ADAM12: variants seen among roughly 807,000 people sequenced by gnomAD.
ADAM12 encodes the protein disintegrin and metalloproteinase domain-containing protein 12.
ADAM12 carries 70 observed loss-of-function variants against 106.4 expected under a neutral mutation model. The ratio of observed to expected loss-of-function variants is 0.66; its 90% CI spans 0.54 to 0.80. The LOEUF (loss-of-function observed/expected upper bound fraction) is 0.80, where lower values mean the gene tolerates loss of function less well. ADAM12 is among the 30% of genes least tolerant of loss of function. The probability of loss-of-function intolerance (pLI) is 0.00; values close to 1 mark genes in which losing one functional copy is unlikely to be tolerated. For synonymous variants in ADAM12, 420 were observed against 433.5 expected (o/e 0.97, Z 0.39); for missense variants, 1,010 against 1,171.9 (o/e 0.86, Z 2.02).
intron 2 of ADAM12, among the ~76,000 whole-genome samples, chr10:126,321,905 C>CGGGGGGGGG: frequency 1.1e-5 from 1 of 94,068 alleles, no homozygotes; most frequent in Non-Finnish European, 2.3e-5. Context: ...ACCTGGGGGT[C>CGGGGGGGGG]GGGGGGGGGG....
chr10:126,332,227 C>T (rs1266183389), intron 1 of ADAM12, among the ~76,000 whole-genome samples: 1 of 152,156 alleles, frequency 6.6e-6, no homozygotes, highest in Non-Finnish European at 1.5e-5. Context: ...ATTCAAAAAG[C>T]CCATTCTTTC....
chr10:126,225,553 C>T (rs1361293687), intron 3 of ADAM12, among the ~76,000 whole-genome samples: 3 of 152,058 alleles, frequency 2.0e-5, no homozygotes, highest in Non-Finnish European at 2.9e-5. Flanking sequence ...CATAACTGGG[C>T]GGAGGTGTGC....
At chr10:126,084,437 G>C (rs1274038593) in intron 11 of ADAM12, among the ~76,000 whole-genome samples, 1 of 152,156 alleles carries the variant, frequency 6.6e-6, no homozygotes, top group Non-Finnish European at 1.5e-5. Context: ...GTTGTTGGAG[G>C]AGCAGACTCT....
intron 1 of ADAM12, among the ~76,000 whole-genome samples, chr10:126,361,975 A>G (rs1402348707): frequency 6.6e-6 from 1 of 152,198 alleles, no homozygotes; most frequent in Non-Finnish European, 1.5e-5. Flanking sequence ...AATGAAGAAA[A>G]AAATTAACAG....
At chr10:126,020,040 T>C (rs1338483044) in intron 21 of ADAM12, among the ~76,000 whole-genome samples, 1 of 152,182 alleles carries the variant, frequency 6.6e-6, no homozygotes, top group African/African-American at 2.4e-5. Flanking sequence ...CACTCAACTA[T>C]GGGGCTTCTG....
chr10:126,024,941 CTG>C (rs1231905306), intron 21 of ADAM12, among the ~76,000 whole-genome samples: 1 of 151,816 alleles, frequency 6.6e-6, no homozygotes, highest in Non-Finnish European at 1.5e-5. Flanking sequence ...ACAAGAAAAA[CTG>C]AGGCTACTGG....
At position 126,073,547 on chromosome 10, in the gene ADAM12, T is replaced by C. The variant is rs201053631; in HGVS notation, c.1146-1893A>G. ...CAGGGAGTCTTTTGATCCTCTCCTT[T>C]CCCAGTGTCTGTTGTTCCCTTCTTT... On this transcript the variant is annotated intron_variant, in intron 11 of 22. Transcript: ENST00000448723. 4.1e-5 allele frequency among the ~76,000 whole-genome samples: 6 copies of C among 146,884 alleles called. No individual in the cohort carries two copies. In the South Asian group the frequency reaches 1.3e-3, roughly 33 times the overall value.
intron 5 of ADAM12, among the ~76,000 whole-genome samples, chr10:126,127,486 A>G (rs1179719924): frequency 6.6e-6 from 1 of 152,234 alleles, no homozygotes; most frequent in Admixed American, 6.5e-5. Flanking sequence ...GCCAGGGTCT[A>G]GGACACAGCC....
intron 11 of ADAM12, among the ~76,000 whole-genome samples, chr10:126,085,832 G>A (rs1955328532): frequency 6.6e-6 from 1 of 152,146 alleles, no homozygotes; most frequent in Admixed American, 6.5e-5. Context: ...TATGTGTCAG[G>A]CACTGTTCTA....
intron 8 of ADAM12, among the ~76,000 whole-genome samples, chr10:126,104,200 G>A (rs955598706): frequency 1.7e-4 from 26 of 151,966 alleles, no homozygotes; most frequent in African/African-American, 4.8e-4. Flanking sequence ...CTGTAATCCC[G>A]GCACTTTGGG....
At chr10:126,146,675 C>T (rs1413237939) in intron 4 of ADAM12, among the ~76,000 whole-genome samples, 1 of 152,180 alleles carries the variant, frequency 6.6e-6, no homozygotes, top group East Asian at 1.9e-4. Flanking sequence ...CTCCAGCAAG[C>T]CTTTGTCTCC....
chr10:126,142,153 G>C (rs1186345120), intron 4 of ADAM12, among the ~76,000 whole-genome samples: 1 of 152,132 alleles, frequency 6.6e-6, no homozygotes, highest in Non-Finnish European at 1.5e-5. Context: ...GAAAAGAAAA[G>C]CTGCCGAGAC....
intron 1 of ADAM12, among the ~76,000 whole-genome samples, chr10:126,384,831 C>A (rs1856606525): frequency 1.3e-5 from 2 of 152,240 alleles, no homozygotes; most frequent in South Asian, 4.1e-4. Flanking sequence ...ACTGGGAGTC[C>A]TACAATTTAA....
chr10:126,367,936 A>C (rs112516395), intron 1 of ADAM12, among the ~76,000 whole-genome samples: 1 of 151,964 alleles, frequency 6.6e-6, no homozygotes, highest in Non-Finnish European at 1.5e-5. Flanking sequence ...AGGCCAGTAT[A>C]ACCCTGATAC....
chr10:126,360,069 AC>A (rs1855689517), intron 1 of ADAM12, among the ~76,000 whole-genome samples: 2 of 152,122 alleles, frequency 1.3e-5, no homozygotes, highest in Admixed American at 1.3e-4. Context: ...GCACATTGGC[AC>A]CTTTTAGCCA....
intron 3 of ADAM12, among the ~76,000 whole-genome samples, chr10:126,240,032 C>T (rs1298261497): frequency 6.6e-6 from 1 of 152,222 alleles, no homozygotes; most frequent in Admixed American, 6.5e-5. Context: ...CCTGCTCTGC[C>T]CGGAGTCGAC....
At chr10:126,050,491 G>A (rs560228919) in intron 14 of ADAM12, among the ~76,000 whole-genome samples, 3 of 152,154 alleles carry the variant, frequency 2.0e-5, no homozygotes, top group Non-Finnish European at 4.4e-5. Flanking sequence ...CCTGCGGCGT[G>A]GTCCCTTTTC....
chr10:126,378,909 T>C (rs568227461), intron 1 of ADAM12, among the ~76,000 whole-genome samples: 4 of 152,206 alleles, frequency 2.6e-5, no homozygotes, highest in Non-Finnish European at 4.4e-5. Context: ...GATTTTAGCT[T>C]AAAAGTTTTA....
At chr10:126,052,258 G>A (rs1954522448) in intron 14 of ADAM12, among the ~76,000 whole-genome samples, 2 of 152,106 alleles carry the variant, frequency 1.3e-5, no homozygotes, top group Non-Finnish European at 2.9e-5. Flanking sequence ...CTGTGGAAGG[G>A]CTAAGAAAAT....
Sources: allele counts gnomAD v4.1 joint callset (sites outside exome capture counted in the v4.1 genomes callset), GRCh38; gene constraint gnomAD v4.1.1; transcripts MANE v1.5; gene names NCBI Gene and HGNC (gene_info 2026-07-23, HGNC 2026-07-21).